The following CNTN5 variants were observed in gnomAD, a reference collection of about 807,000 sequenced individuals.
The protein encoded by CNTN5 is contactin-5.
CNTN5 carries 77 observed loss-of-function variants against 129.1 expected under a neutral mutation model. The ratio of observed to expected loss-of-function variants is 0.60; its 90% CI spans 0.50 to 0.72. The LOEUF (loss-of-function observed/expected upper bound fraction) is 0.72. Ranked by LOEUF, CNTN5 falls within the 30% of genes least tolerant of loss-of-function variation. The pLI is 0.00. For missense variants in CNTN5, 1,478 were observed against 1,328.8 expected (o/e 1.11, Z -1.75); for synonymous variants, 509 against 465.6 (o/e 1.09, Z -1.20).
chr11:100,358,645 T>C lies in CNTN5; in HGVS notation c.*2425T>C, dbSNP rs1216356203. ...GACTGTATTTTTGTATAATGTCCATTGAATATGAAGAAAGCAACAGTCCTT... is the reference window on the plus strand; with the variant it reads ...GACTGTATTTTTGTATAATGTCCATCGAATATGAAGAAAGCAACAGTCCTT... On this transcript the variant is annotated 3_prime_UTR_variant, in exon 25 of 25. Transcript: ENST00000524871. The C allele has an allele frequency of 6.6e-6, 1 of 151,802 alleles. No homozygotes were observed. Among genetic ancestry groups the C allele is most frequent in the African/African-American group, 2.4e-5 (1 of 41,396 alleles). The allele number at this position is 151,802 out of a possible 1,614,324, so 9.4% of individuals were successfully genotyped here.
chr11:99,798,432 T>A lies in CNTN5; in HGVS notation c.56-21112T>A, dbSNP rs149720599. ...ATTAAAATTTTTATCTATCTTGAAT[T>A]AATTTTTATAAATGGTGAAAGATCA... On this transcript the variant is annotated intron_variant, in intron 3 of 24. Coordinates refer to ENST00000524871, the MANE Select transcript of CNTN5 (RefSeq NM_014361.4). Among the ~76,000 whole-genome samples, 224 of 152,322 alleles carry A rather than the reference T, an allele frequency of 1.5e-3. 1 individual carries two copies. Among genetic ancestry groups the A allele is most frequent in the African/African-American group, 5.1e-3 (210 of 41,572 alleles).
chr11:99,602,581 T>C (rs1459069835), intron 3 of CNTN5, among the ~76,000 whole-genome samples: 1 of 152,014 alleles, frequency 6.6e-6, no homozygotes, highest in Non-Finnish European at 1.5e-5. Context: ...ACTGTGGCCA[T>C]TTAAGGAAAA....
Position 100,204,297 on chromosome 11 carries a change from AATATATATATATATATATATATATAT to A in CNTN5, c.1884+10656_1884+10681del, listed in dbSNP as rs10633078. ...GCTCACCAAGAAACAAACATTGACT[AATATATATATATATATATATATATAT>A]ATATATATATATATATATATAATTA... On this transcript the variant is annotated intron_variant, in intron 15 of 24. Coordinates refer to ENST00000524871, the MANE Select transcript of CNTN5 (RefSeq NM_014361.4). 1.2e-3 allele frequency among the ~76,000 whole-genome samples: 22 copies of A among 17,662 alleles called. No individual in the cohort carries two copies. The East Asian group carries it at 0.013, about 11-fold the overall frequency. 11.6% of individuals were successfully genotyped at this position (17,662 alleles called of 152,430 possible).
intron 3 of CNTN5, among the ~76,000 whole-genome samples, chr11:99,645,687 CT>C (rs1185370490): frequency 3.9e-5 from 6 of 152,018 alleles, no homozygotes; most frequent in African/African-American, 1.5e-4. Context: ...TCTCAGGAAA[CT>C]AACACAGGAA....
intron 2 of CNTN5, among the ~76,000 whole-genome samples, chr11:99,555,048 T>C (rs1948620050): frequency 6.6e-6 from 1 of 150,488 alleles, no homozygotes; most frequent in South Asian, 2.1e-4. Flanking sequence ...CCAAGACTTA[T>C]ATTTAAAATT....
At chr11:100,227,665 A>G (rs1249001441) in intron 16 of CNTN5, among the ~76,000 whole-genome samples, 2 of 152,342 alleles carry the variant, frequency 1.3e-5, no homozygotes, top group Non-Finnish European at 1.5e-5. Flanking sequence ...GAGAACCATA[A>G]TAGAATGAAT....
In CNTN5 at chr11:99,337,472, A is replaced by AGG. The variant is rs1235318074; in HGVS notation, c.-71+11989_-71+11990dup. On this transcript the variant is annotated intron_variant, in intron 2 of 24. Transcript: ENST00000524871. ...TATCCCTTAAGGGAAACGAAGGGAT[A>AGG]GGCCGAATTAATTGCAGCAGGAACA... 1.1e-4 allele frequency among the ~76,000 whole-genome samples: 16 copies of AGG among 152,356 alleles called. No homozygotes were observed. The South Asian group carries it at 1.9e-3, about 18-fold the overall frequency.
At chr11:99,025,852 C>CT (rs1173798173) in intron 1 of CNTN5, among the ~76,000 whole-genome samples, 1 of 151,376 alleles carries the variant, frequency 6.6e-6, no homozygotes, top group Non-Finnish European at 1.5e-5. Context: ...TAATGTTATA[C>CT]TTAGAAGTAT....
intron 13 of CNTN5, among the ~76,000 whole-genome samples, chr11:100,144,417 C>G (rs1362843195): frequency 6.6e-6 from 1 of 152,076 alleles, no homozygotes; most frequent in Non-Finnish European, 1.5e-5. Context: ...CTGTTTCCAT[C>G]TTTATGTCTG....
chr11:99,375,065 T>G (rs1012945039), intron 2 of CNTN5, among the ~76,000 whole-genome samples: 2 of 152,034 alleles, frequency 1.3e-5, no homozygotes, highest in Non-Finnish European at 2.9e-5. Flanking sequence ...CCCTTTGGGA[T>G]GCCAAGGCGG....
intron 2 of CNTN5, among the ~76,000 whole-genome samples, chr11:99,515,466 A>C (rs1680133361): frequency 6.6e-6 from 1 of 152,046 alleles, no homozygotes; most frequent in South Asian, 2.1e-4. Context: ...ACTGACAAAG[A>C]TATCATCTGT....
chr11:99,945,301 T>A (rs1950529272), intron 7 of CNTN5, among the ~76,000 whole-genome samples: 2 of 152,096 alleles, frequency 1.3e-5, no homozygotes, highest in African/African-American at 4.8e-5. Context: ...GCATAATGGA[T>A]AATTTTTGCA....
chr11:100,244,612 A>G (rs1300559011), intron 16 of CNTN5, among the ~76,000 whole-genome samples: 3 of 152,124 alleles, frequency 2.0e-5, no homozygotes, highest in African/African-American at 7.2e-5. Context: ...GATTTGTGAA[A>G]TGGGGATGTT....
chr11:99,679,197 A>AATATATATATATAT (rs34768290), intron 3 of CNTN5, among the ~76,000 whole-genome samples: 61 of 146,090 alleles, frequency 4.2e-4, no homozygotes, highest in African/African-American at 1.5e-3. Flanking sequence ...ATATATAGGG[A>AATATATATATATAT]ATATATATAT....
At chr11:99,660,308 T>A (rs1952548342) in intron 3 of CNTN5, among the ~76,000 whole-genome samples, 1 of 152,072 alleles carries the variant, frequency 6.6e-6, no homozygotes, top group Non-Finnish European at 1.5e-5. Context: ...GAAAGCAAAA[T>A]GTTGGTTGCC....
intron 11 of CNTN5, 144 bp from the exon 12 acceptor site, chr11:100,071,561 C>A: frequency 2.3e-6 from 1 of 437,326 alleles, no homozygotes; most frequent in Non-Finnish European, 4.0e-6. Flanking sequence ...AAATAATGAA[C>A]AGTACATTTA....
chr11:100,340,426 T>C, intron 21 of CNTN5, 37 bp from the exon 22 acceptor site: 1 of 1,521,662 alleles, frequency 6.6e-7, no homozygotes, highest in Non-Finnish European at 9.0e-7. Flanking sequence ...CAGAGGAAGC[T>C]TTAAAATTAA....
At chr11:99,154,448 G>C (rs911515959) in intron 1 of CNTN5, among the ~76,000 whole-genome samples, 3 of 152,196 alleles carry the variant, frequency 2.0e-5, no homozygotes, top group Admixed American at 6.5e-5. Context: ...AGCCTGGCTA[G>C]GTTCCCGTGT....
chr11:99,803,286 C>T (rs1393575022), intron 3 of CNTN5, among the ~76,000 whole-genome samples: 1 of 152,206 alleles, frequency 6.6e-6, no homozygotes, highest in African/African-American at 2.4e-5. Context: ...GTTCACCGAG[C>T]TGGCCCTGGC....
Sources: gnomAD v4.1 joint callset for allele counts (sites outside exome capture counted in the v4.1 genomes callset) on GRCh38, gnomAD v4.1.1 for gene constraint, MANE v1.5 for transcripts, NCBI Gene and HGNC (gene_info 2026-07-23, HGNC 2026-07-21) for gene names.